Variants in GGA1 observed in about 807,000 individuals in gnomAD.
The protein encoded by GGA1 is ADP-ribosylation factor-binding protein GGA1.
A neutral mutation model predicts 76.9 loss-of-function variants in GGA1; 18 were observed. The observed-to-expected ratio is 0.23, with a 90% CI of 0.16 to 0.35. The LOEUF is 0.35. GGA1 is among the 10% of genes least tolerant of loss of function. The probability of loss-of-function intolerance (pLI) is 1.00; values close to 1 mark genes in which losing one functional copy is unlikely to be tolerated. For synonymous variants in GGA1, 342 were observed against 354.7 expected (o/e 0.96, Z 0.40); for missense variants, 755 against 859.0 (o/e 0.88, Z 1.51).
At chr22:37,608,981 G>A (rs1430524825) in intron 1 of GGA1, 78 bp downstream of exon 1, 7 of 1,333,072 alleles carry the variant, frequency 5.3e-6, no homozygotes, top group Non-Finnish European at 6.7e-6. Flanking sequence ...CGGCGGGGGC[G>A]GGGTACGGGT....
intron 1 of GGA1, 133 bp downstream of exon 1, chr22:37,609,036 C>A: frequency 6.9e-7 from 1 of 1,440,070 alleles, no homozygotes; most frequent in Non-Finnish European, 9.1e-7. Flanking sequence ...GGGGCGGTGT[C>A]CTCAGTCGGC....
chr22:37,631,993 C>T lies in GGA1; in HGVS notation c.1529-3C>T. The stretch of plus-strand genomic sequence containing the variant: ...CCCATCGCCCTCCCACCTTCTCCCA[C>T]AGGCAACATCCTGCCCGTGACTGTG... On this transcript the variant is annotated splice_region_variant and splice_polypyrimidine_tract_variant and intron_variant, in intron 14 of 16. Coordinates refer to ENST00000343632, the MANE Select transcript of GGA1 (RefSeq NM_013365.5). 1 of 1,600,182 alleles carries T rather than the reference C, an allele frequency of 6.2e-7. No individual in the cohort carries two copies. The highest frequency in any genetic ancestry group is 8.5e-7 in the Non-Finnish European group (1 of 1,170,702).
At chr22:37,617,196 C>T (rs1003623986) in intron 3 of GGA1, 199 bp downstream of exon 3, 78 of 1,432,672 alleles carry the variant, frequency 5.4e-5, no homozygotes, top group Non-Finnish European at 6.4e-5. Context: ...CATCCATACA[C>T]GTAGGCCTGT....
At chr22:37,626,346 C>T (rs939413876) in intron 11 of GGA1, 4 of 155,722 alleles carry the variant, frequency 2.6e-5, no homozygotes, top group African/African-American at 7.2e-5. Flanking sequence ...CACCCAGAGG[C>T]TCCAGAGAAG....
In GGA1 at chr22:37,624,982, G is replaced by T; in HGVS notation, c.846G>T (p.Gln282His). ...TGCCTGTTCCAGCGGAGATCCTGCA[G>T]GCCAATGACAACCTCACCCAGGTGA... Reference protein sequence around the residue: ...DNDEALAEILQANDNLTQVIN... With the variant: ...DNDEALAEILHANDNLTQVIN... Residue 282 changes from glutamine to histidine, a missense_variant, in exon 10 of 17, where the codon CAG becomes CAT. Transcript: ENST00000343632. This position sits in a 1 kb window ranked among gnomAD's most constrained non-coding sequence, Gnocchi z 4.3. 6.3e-7 allele frequency: 1 copy of T among 1,590,514 alleles called. No individual in the cohort carries two copies. The highest frequency in any genetic ancestry group is 8.6e-7 in the Non-Finnish European group (1 of 1,168,712).
chr22:37,618,429 A>AT lies in GGA1; in HGVS notation c.205-18dup, dbSNP rs1232982674. The AT allele has an allele frequency of 3.4e-6, 5 of 1,456,050 alleles. No individual in the cohort carries two copies. Among genetic ancestry groups the AT allele is most frequent in the East Asian group, 2.3e-5 (1 of 43,780 alleles). 90.2% of individuals were successfully genotyped at this position (1,456,050 alleles called of 1,614,324 possible). On this transcript the variant is annotated intron_variant, in intron 3 of 16. Coordinates refer to ENST00000343632, the MANE Select transcript of GGA1 (RefSeq NM_013365.5). ...CTGATGCACCTGGGCGTCCCCTCCC[A>AT]TCCCCCCTCCCTGCACAGGTGCTGG...
At chr22:37,621,328 A>G (rs1399363826) in intron 6 of GGA1, among the ~76,000 whole-genome samples, 2 of 152,218 alleles carry the variant, frequency 1.3e-5, no homozygotes, top group Non-Finnish European at 2.9e-5. Flanking sequence ...TCTACTGTTA[A>G]GGTTCTTGTA....
rs1033425098 is a variant in GGA1, at chr22:37,621,661, G to A, written c.574G>A (p.Ala192Thr). The change falls in exon 7 of 17, where the codon GCA (alanine) becomes ACA (threonine). Residue 192 changes from alanine (A) to threonine (T), a missense_variant. Transcript: ENST00000343632. ...GAGCTCCCATCCCGAAGACCTCCGC[G>A]CAGCCAATAAGCTCATCAAAGAGAT... ...LKSSHPEDLR[A>T]ANKLIKEMVQ... 6.4e-6 allele frequency: 10 copies of A among 1,555,558 alleles called. No homozygotes were observed. The African/African-American group carries it at 6.8e-5, about 11-fold the overall frequency.
intron 12 of GGA1, among the ~76,000 whole-genome samples, chr22:37,629,755 T>C (rs933706691): frequency 6.6e-6 from 1 of 152,208 alleles, no homozygotes; most frequent in African/African-American, 2.4e-5. Context: ...GCCTTTGGGA[T>C]TGGGATTGAG....
At chr22:37,612,166 A>G (rs1927755007) in intron 1 of GGA1, among the ~76,000 whole-genome samples, 1 of 151,188 alleles carries the variant, frequency 6.6e-6, no homozygotes, top group Non-Finnish European at 1.5e-5. Context: ...AAAAAAAAAT[A>G]AAAATAAAAA....
chr22:37,610,807 G>T (rs141202886), intron 1 of GGA1: 1 of 152,274 alleles, frequency 6.6e-6, no homozygotes, highest in Non-Finnish European at 1.5e-5. Flanking sequence ...CTGCTAGGGA[G>T]GGTACTCCCC....
chr22:37,611,408 T>C (rs1927558711), intron 1 of GGA1, among the ~76,000 whole-genome samples: 1 of 152,116 alleles, frequency 6.6e-6, no homozygotes, highest in Admixed American at 6.5e-5. Context: ...GCACTTCTCC[T>C]TGCTATGCTT....
Position 37,609,324 on chromosome 22 carries a change from A to G in GGA1, c.43+421A>G, listed in dbSNP as rs577990731. On this transcript the variant is annotated intron_variant, in intron 1 of 16. Coordinates refer to ENST00000343632, the MANE Select transcript of GGA1 (RefSeq NM_013365.5). ...ACTATTTTCAGGCCCCGAATCCTCC[A>G]CTCTCTGGCCCTGCATGGCGTTCCT... 5.6e-5 allele frequency: 62 copies of G among 1,104,406 alleles called. No individual in the cohort carries two copies. The South Asian group carries it at 1.0e-3, about 18-fold the overall frequency. 68.4% of individuals were successfully genotyped at this position (1,104,406 alleles called of 1,614,324 possible). A position where few individuals can be genotyped will look rare whatever the true frequency, so the allele number is the denominator to read the frequency against.
Position 37,630,117 on chromosome 22 carries a change from G to A in GGA1, c.1278G>A (p.Leu426=). ...GCGGTCTGGACGACCTAGACCTCCTGGGGAAGACCCTCCTGCAGCAGTCGC... is the reference window on the plus strand; with the variant it reads ...GCGGTCTGGACGACCTAGACCTCCTAGGGAAGACCCTCCTGCAGCAGTCGC... ...ASSGLDDLDL[L]GKTLLQQSLP... The change falls in exon 13 of 17, where the codon CTG becomes CTA. Residue 426 remains leucine (L), a synonymous_variant. Coordinates refer to ENST00000343632, the MANE Select transcript of GGA1 (RefSeq NM_013365.5). 1 of 1,608,132 alleles carries A rather than the reference G, an allele frequency of 6.2e-7. No homozygotes were observed. Among genetic ancestry groups the A allele is most frequent in the Non-Finnish European group, 8.5e-7 (1 of 1,177,304 alleles).
intron 2 of GGA1, among the ~76,000 whole-genome samples, chr22:37,616,112 G>T (rs1409284999): frequency 2.6e-5 from 4 of 152,076 alleles, no homozygotes; most frequent in African/African-American, 9.7e-5. Context: ...AAAGTGCTGG[G>T]ATTACAGGCA....
rs776876278 is a variant in GGA1, at chr22:37,624,936, TC to T, written c.833-32del. 3.3e-5 allele frequency: 52 copies of T among 1,552,534 alleles called. No homozygotes were observed. Among genetic ancestry groups the T allele is most frequent in the Non-Finnish European group, 4.3e-5 (49 of 1,147,738 alleles). On this transcript the variant is annotated intron_variant, in intron 9 of 16. Coordinates refer to ENST00000343632, the MANE Select transcript of GGA1 (RefSeq NM_013365.5). This position sits in a 1 kb window ranked among gnomAD's most constrained non-coding sequence, Gnocchi z 4.3. ...GCCGCCCAGAGGCCCCCACAGTCCT[TC>T]AGCCTGGCCTCTCCCCTCCTGCCTG...
chr22:37,632,349 T>C lies in GGA1; in HGVS notation c.1699-56T>C, dbSNP rs765360247. 1.6e-4 allele frequency: 227 copies of C among 1,425,814 alleles called. No homozygotes were observed. The highest frequency in any genetic ancestry group is 2.2e-4 in the Non-Finnish European group (224 of 1,009,718). The allele number at this position is 1,425,814 out of a possible 1,614,324, so 88.3% of individuals were successfully genotyped here. A position where few individuals can be genotyped will look rare whatever the true frequency, so the allele number is the denominator to read the frequency against. On this transcript the variant is annotated intron_variant, in intron 15 of 16. Coordinates refer to ENST00000343632, the MANE Select transcript of GGA1 (RefSeq NM_013365.5). This position sits in a 1 kb window ranked among gnomAD's most constrained non-coding sequence, Gnocchi z 5.1. ...GAGCTGGCAGGCTGGGCCTGGTTCC[T>C]CAGAGCAGGACAAGCAGCCAGGGCT...
Position 37,624,959 on chromosome 22 carries a change from C to T in GGA1, c.833-10C>T. 1 of 1,572,710 alleles carries T rather than the reference C, an allele frequency of 6.4e-7. No individual in the cohort carries two copies. Reference sequence around the variant, plus strand: ...CTTCAGCCTGGCCTCTCCCCTCCTGCCTGTTCCAGCGGAGATCCTGCAGGC... The same window carrying T: ...CTTCAGCCTGGCCTCTCCCCTCCTGTCTGTTCCAGCGGAGATCCTGCAGGC... On this transcript the variant is annotated splice_polypyrimidine_tract_variant and intron_variant, in intron 9 of 16. Transcript: ENST00000343632. The surrounding 1 kb of genome is among the most constrained non-coding windows in gnomAD (Gnocchi z 4.3).
chr22:37,631,930 G>A, intron 14 of GGA1, 66 bp from the exon 15 acceptor site: 1 of 1,431,066 alleles, frequency 7.0e-7, no homozygotes, highest in Non-Finnish European at 9.6e-7. Context: ...AGCCGGGTGG[G>A]GGCTGGGGGC....
Sources: allele counts gnomAD v4.1 joint callset (sites outside exome capture counted in the v4.1 genomes callset), GRCh38; gene constraint gnomAD v4.1.1; non-coding constraint Gnocchi (gnomAD v3.1); transcripts MANE v1.5; gene names NCBI Gene and HGNC (gene_info 2026-07-23, HGNC 2026-07-21).